PCNT: variants seen among roughly 807,000 people sequenced by gnomAD.
PCNT encodes kendrin.
PCNT carries 319 observed loss-of-function variants against 380.4 expected under a neutral mutation model. The observed-to-expected ratio is 0.84, with a 90% CI of 0.77 to 0.92. PCNT has a LOEUF of 0.92. Ranked by LOEUF, PCNT falls within the 40% of genes least tolerant of loss-of-function variation. PCNT has a pLI of 0.00. For synonymous variants in PCNT, 1,845 were observed against 1,735.2 expected (o/e 1.06, Z -1.57); for missense variants, 4,400 against 4,255.3 (o/e 1.03, Z -0.95).
Position 46,431,919 on chromosome 21 carries a change from C to T in PCNT, c.8455C>T (p.Gln2819Ter), listed in dbSNP as rs1345858704. The T allele has an allele frequency of 2.5e-6, 4 of 1,614,004 alleles. No homozygotes were observed. Among genetic ancestry groups the T allele is most frequent in the African/African-American group, 2.7e-5 (2 of 74,954 alleles). ...EKVQQQALHS[Q>*]QQLEAEAQKH... ...GGTGCAGCAGCAAGCCCTGCATTCT[C>T]AGCAGCAGCTTGAGGCTGAGGCTCA... Residue 2819 changes from glutamine (Q) to a stop codon, truncating the protein, a stop_gained, in exon 38 of 47, where the codon CAG (glutamine) becomes TAG (stop). Transcript: ENST00000359568. LOFTEE classifies it high-confidence loss of function.
chr21:46,408,951 T>TG (rs2086699507), intron 27 of PCNT, among the ~76,000 whole-genome samples: 2 of 151,956 alleles, frequency 1.3e-5, no homozygotes, highest in Non-Finnish European at 2.9e-5. Context: ...CTCGAACTCT[T>TG]GACCTCTGGT....
intron 40 of PCNT, among the ~76,000 whole-genome samples, chr21:46,437,481 G>A (rs570029442): frequency 1.2e-4 from 19 of 152,304 alleles, no homozygotes; most frequent in African/African-American, 4.6e-4. Flanking sequence ...GGTGCTGGCG[G>A]CCGATGTTCA....
rs1317353732 is a variant in PCNT, at chr21:46,353,123, G to A, written c.1476G>A (p.Leu492=). The A allele has an allele frequency of 6.2e-7, 1 of 1,613,990 alleles. No homozygotes were observed. The highest frequency in any genetic ancestry group is 8.5e-7 in the Non-Finnish European group (1 of 1,180,008). Residue 492 remains leucine, a synonymous_variant, in exon 10 of 47, where the codon CTG becomes CTA. Coordinates refer to ENST00000359568, the MANE Select transcript of PCNT (RefSeq NM_006031.6). The stretch of plus-strand genomic sequence containing the variant: ...TTGCAGAGCTACATGAGCAACTCCT[G>A]GCGCGCACCTCTCGTGTGGAAGATT... The part of the protein sequence containing the change: ...QELSELHEQL[L]ARTSRVEDLE...
intron 3 of PCNT, among the ~76,000 whole-genome samples, chr21:46,342,889 T>G (rs1427649897): frequency 6.6e-6 from 1 of 152,220 alleles, no homozygotes; most frequent in African/African-American, 2.4e-5. Flanking sequence ...CCTCCTTGGT[T>G]AGGAATATTC....
intron 6 of PCNT, among the ~76,000 whole-genome samples, chr21:46,347,862 T>C (rs781368176): frequency 2.2e-4 from 33 of 152,102 alleles, no homozygotes; most frequent in Admixed American, 3.9e-4. Context: ...GTGTGGGTGC[T>C]GGGGTGCCGG....
At chr21:46,441,635 G>A (rs1350471959) in intron 43 of PCNT, among the ~76,000 whole-genome samples, 11 of 152,072 alleles carry the variant, frequency 7.2e-5, no homozygotes, top group Non-Finnish European at 7.4e-5. Flanking sequence ...TTGTCTCCTC[G>A]TCTCTGAGCT....
chr21:46,381,695 G>C lies in PCNT; in HGVS notation c.3167G>C (p.Gly1056Ala). 1 of 1,613,368 alleles carries C rather than the reference G, an allele frequency of 6.2e-7. No homozygotes were observed. Among genetic ancestry groups the C allele is most frequent in the Admixed American group, 1.7e-5 (1 of 60,022 alleles). ...TTTTATTGTTATTGATGTGTACAGGGTGAATTTGGAAGTGAAAAGAAAACT... is the reference window on the plus strand; with the variant it reads ...TTTTATTGTTATTGATGTGTACAGGCTGAATTTGGAAGTGAAAAGAAAACT... ...VAHELQGVHQ[G>A]EFGSEKKTAL... Residue 1056 changes from glycine (G) to alanine (A), a missense_variant and splice_region_variant, in exon 16 of 47, where the codon GGT (glycine) becomes GCT (alanine). By Grantham distance (60) the Gly-to-Ala change is moderately conservative. Coordinates refer to ENST00000359568, the MANE Select transcript of PCNT (RefSeq NM_006031.6).
intron 29 of PCNT, among the ~76,000 whole-genome samples, chr21:46,413,681 C>T (rs531834952): frequency 6.6e-6 from 1 of 152,330 alleles, no homozygotes; most frequent in South Asian, 2.1e-4. Flanking sequence ...GGCCTCACCT[C>T]AGCTCAGGAC....
Position 46,349,075 on chromosome 21 carries a change from T to G in PCNT, c.1096T>G (p.Ser366Ala). Residue 366 changes from serine to alanine, a missense_variant, in exon 7 of 47, where the codon TCT (serine) becomes GCT (alanine). Transcript: ENST00000359568. ...LCLENLRKEL[S>A]AKHQSEMEDL... ...TTTAGAAAATCTACGCAAAGAACTG[T>G]CTGCAAAGCATCAATCAGAAATGGA... 1.2e-6 allele frequency: 2 copies of G among 1,608,198 alleles called. No individual in the cohort carries two copies. Among genetic ancestry groups the G allele is most frequent in the Non-Finnish European group, 1.7e-6 (2 of 1,174,614 alleles).
rs530378785 is a variant in PCNT, at chr21:46,334,495, C to G, written c.366C>G (p.Val122=). The G allele has an allele frequency of 1.0e-4, 162 of 1,612,848 alleles. No homozygotes were observed. Among genetic ancestry groups the G allele is most frequent in the African/African-American group, 1.5e-4 (11 of 75,016 alleles). The change falls in exon 3 of 47, where the codon GTC becomes GTG. Residue 122 remains valine, a synonymous_variant. Coordinates refer to ENST00000359568, the MANE Select transcript of PCNT (RefSeq NM_006031.6). ...CAGAGCAGTGTGGGATGTTCACAGT[C>G]AGTGACCACCCACCAGAACAGCATG... ...HPPEQCGMFT[V]SDHPPEQHGM...
intron 31 of PCNT, chr21:46,421,148 T>G (rs2087232360): frequency 6.6e-6 from 1 of 152,340 alleles, no homozygotes. Flanking sequence ...GAGGTTGTAC[T>G]CTGCCTGCAT....
In PCNT at chr21:46,401,544, T is replaced by G; in HGVS notation, c.4792-7T>G. ...TGCCTAAAATAGAGTTCTTTTTTTT[T>G]TAATAGGATAAAGAGGTGTTAAAGA... On this transcript the variant is annotated splice_polypyrimidine_tract_variant and splice_region_variant and intron_variant, in intron 25 of 46. Transcript: ENST00000359568. The G allele has an allele frequency of 6.2e-7, 1 of 1,612,092 alleles. No homozygotes were observed. Among genetic ancestry groups the G allele is most frequent in the East Asian group, 2.2e-5 (1 of 44,862 alleles).
chr21:46,363,465 TTA>T lies in PCNT; in HGVS notation c.2155-13_2155-12del, dbSNP rs760472348. 9 of 1,599,008 alleles carry T rather than the reference TTA, an allele frequency of 5.6e-6. No homozygotes were observed. Among genetic ancestry groups the T allele is most frequent in the Non-Finnish European group, 7.7e-6 (9 of 1,166,930 alleles). On this transcript the variant is annotated splice_polypyrimidine_tract_variant and intron_variant, in intron 13 of 46. Transcript: ENST00000359568. ...TTAGCGTCTTTCCTCCTAAATGAAA[TTA>T]TGTTGTCTGTAGGTAAAACACAATC...
chr21:46,435,329 G>A lies in PCNT; in HGVS notation c.8752-575G>A, dbSNP rs570443693. Among the ~76,000 whole-genome samples, 437 of 151,854 alleles carry A rather than the reference G, an allele frequency of 2.9e-3. 2 individuals carry two copies. Among genetic ancestry groups the A allele is most frequent in the African/African-American group, 9.7e-3 (403 of 41,390 alleles). On this transcript the variant is annotated intron_variant, in intron 38 of 46. Transcript: ENST00000359568. ...TAACCTCTACCTTCTAGGTTCAAGT[G>A]ATTCTCCTGCCTCAGCCTCCCGAGT...
At position 46,444,797 on chromosome 21, in the gene PCNT, C is replaced by G. The variant is rs1733625783; in HGVS notation, c.9943C>G (p.Gln3315Glu). 6.2e-7 allele frequency: 1 copy of G among 1,613,238 alleles called. No individual in the cohort carries two copies. The highest frequency in any genetic ancestry group is 1.7e-5 in the Admixed American group (1 of 59,988). ...TATTCACCATTTAGAAGTGATCCAG[C>G]AAAGATTGGGAGGGGTACTACCAGG... ...EYIHHLEVIQ[Q>E]RLGGVLPDST... The change falls in exon 46 of 47, where the codon CAA (glutamine) becomes GAA (glutamate). Residue 3315 changes from glutamine (Q) to glutamate (E), a missense_variant. Coordinates refer to ENST00000359568, the MANE Select transcript of PCNT (RefSeq NM_006031.6).
chr21:46,338,551 G>A (rs1332634326), intron 3 of PCNT, among the ~76,000 whole-genome samples: 1 of 151,562 alleles, frequency 6.6e-6, no homozygotes, highest in African/African-American at 2.4e-5. Flanking sequence ...CCACTCACCT[G>A]GTGAGGGACA....
chr21:46,354,368 G>C (rs1204218095), intron 11 of PCNT, among the ~76,000 whole-genome samples: 1 of 152,256 alleles, frequency 6.6e-6, no homozygotes, highest in African/African-American at 2.4e-5. Context: ...GACAGTGGCA[G>C]TTCAAAGGGT....
chr21:46,425,902 C>A lies in PCNT; in HGVS notation c.7251C>A (p.Ser2417Arg). 1 of 1,613,822 alleles carries A rather than the reference C, an allele frequency of 6.2e-7. No homozygotes were observed. The highest frequency in any genetic ancestry group is 8.5e-7 in the Non-Finnish European group (1 of 1,179,990). ...LALSEGLAPP[S>R]GEPHPPRKED... ...TGTCAGAAGGCCTTGCACCCCCAAG[C>A]GGCGAGCCACACCCACCCCGGAAGG... is the stretch of plus-strand genomic sequence containing the variant. Residue 2417 changes from serine to arginine, a missense_variant, in exon 33 of 47, where the codon AGC becomes AGA. Ser to Arg is a moderately radical substitution (Grantham distance 110). Coordinates refer to ENST00000359568, the MANE Select transcript of PCNT (RefSeq NM_006031.6). The surrounding 1 kb of genome is among the most constrained non-coding windows in gnomAD (Gnocchi z 4.2).
chr21:46,328,391 G>A (rs571343296), intron 2 of PCNT, among the ~76,000 whole-genome samples: 4 of 151,682 alleles, frequency 2.6e-5, no homozygotes, highest in African/African-American at 9.7e-5. Flanking sequence ...GGCTCCCAAA[G>A]TGCCAGGATT....
Sources: allele counts gnomAD v4.1 joint callset (sites outside exome capture counted in the v4.1 genomes callset), GRCh38; gene constraint gnomAD v4.1.1; non-coding constraint Gnocchi (gnomAD v3.1); transcripts MANE v1.5; gene names NCBI Gene and HGNC (gene_info 2026-07-23, HGNC 2026-07-21).